Variants in ESCO1 observed in about 807,000 individuals in gnomAD.
ESCO1 encodes establishment of sister chromatid cohesion N-acetyltransferase 1, also known as N-acetyltransferase ESCO1.
A neutral mutation model predicts 83.5 loss-of-function variants in ESCO1; 33 were observed. The ratio of observed to expected loss-of-function variants is 0.40; its 90% CI spans 0.30 to 0.53. The LOEUF (loss-of-function observed/expected upper bound fraction) is 0.53, where lower values mean the gene tolerates loss of function less well. Ranked by LOEUF, ESCO1 falls within the 20% of genes least tolerant of loss-of-function variation. The pLI is 0.63. For missense variants in ESCO1, 855 were observed against 968.0 expected (o/e 0.88, Z 1.55); for synonymous variants, 332 against 324.3 (o/e 1.02, Z -0.25).
At chr18:21,565,543 C>G (rs1598466170) in intron 6 of ESCO1, among the ~76,000 whole-genome samples, 1 of 152,276 alleles carries the variant, frequency 6.6e-6, no homozygotes, top group Non-Finnish European at 1.5e-5. Context: ...TTTGTCTTTT[C>G]TGGATAGAAA....
chr18:21,532,216 C>T (rs1291754881), intron 11 of ESCO1, among the ~76,000 whole-genome samples: 1 of 152,076 alleles, frequency 6.6e-6, no homozygotes, highest in Admixed American at 6.5e-5. Context: ...TTATTTTGGC[C>T]TAACATCATA....
rs376975931 is a variant in ESCO1 at position 21,553,241 on chromosome 18, G to A, written c.1953+7618C>T. On this transcript the variant is annotated intron_variant, in intron 8 of 11. Transcript: ENST00000269214. ...GGAGGTCAAGGATAGAGTGAGCAGT[G>A]ATCACACCACTGCACTCCAGCCTGA... is the stretch of plus-strand genomic sequence containing the variant. Among the ~76,000 whole-genome samples, 6 of 152,228 alleles carry A rather than the reference G, an allele frequency of 3.9e-5. No homozygotes were observed. In the East Asian group the frequency reaches 9.7e-4, roughly 24 times the overall value.
intron 1 of ESCO1, among the ~76,000 whole-genome samples, chr18:21,596,271 A>G (rs547889709): frequency 5.4e-4 from 82 of 152,022 alleles, no homozygotes; most frequent in African/African-American, 1.8e-3. Context: ...TTCCTAATAT[A>G]AAGCTACTTG....
intron 1 of ESCO1, among the ~76,000 whole-genome samples, chr18:21,596,512 T>C (rs1256792269): frequency 6.6e-6 from 1 of 152,028 alleles, no homozygotes; most frequent in African/African-American, 2.4e-5. Context: ...TATAATAATA[T>C]TACAGGGAAA....
chr18:21,566,119 AG>A, intron 6 of ESCO1, 26 bp downstream of exon 6: 1 of 1,599,414 alleles, frequency 6.3e-7, no homozygotes, highest in Non-Finnish European at 8.5e-7. Flanking sequence ...AAAATCCTTA[AG>A]CTCTAAAATT....
intron 1 of ESCO1, among the ~76,000 whole-genome samples, chr18:21,586,789 C>G (rs950503341): frequency 3.9e-5 from 6 of 152,156 alleles, no homozygotes; most frequent in African/African-American, 1.4e-4. Context: ...AAACCTCCTC[C>G]TTTCCACTGT....
chr18:21,574,328 T>C lies in ESCO1; in HGVS notation c.516A>G (p.Gln172=), dbSNP rs2038387887. ...STQSKSNKTS[Q]KHVKRKVLEV... is the part of the protein sequence containing the mutation. ...CCAGTACTTTTCTCTTCACATGTTT[T>C]TGACTTGTTTTATTAGATTTACTCT... The change falls in exon 4 of 12, where the codon CAA becomes CAG. Residue 172 remains glutamine, a synonymous_variant. Transcript: ENST00000269214. 5 of 1,613,748 alleles carry C rather than the reference T, an allele frequency of 3.1e-6. No homozygotes were observed. The highest frequency in any genetic ancestry group is 1.3e-5 in the African/African-American group (1 of 74,884).
intron 10 of ESCO1, among the ~76,000 whole-genome samples, chr18:21,535,378 C>A (rs1307033501): frequency 1.4e-5 from 2 of 138,044 alleles, no homozygotes; most frequent in Admixed American, 1.4e-4. Context: ...CCGCGCCTGG[C>A]TATTTTTTTT....
At chr18:21,544,048 C>T (rs573437009) in intron 8 of ESCO1, among the ~76,000 whole-genome samples, 1 of 152,158 alleles carries the variant, frequency 6.6e-6, no homozygotes, top group African/African-American at 2.4e-5. Context: ...CTGAGGAAGG[C>T]GGATCACAAG....
chr18:21,598,657 T>C (rs2038798298), intron 1 of ESCO1, among the ~76,000 whole-genome samples: 1 of 151,358 alleles, frequency 6.6e-6, no homozygotes, highest in Non-Finnish European at 1.5e-5. Context: ...AGCCGAGATC[T>C]CGCCACTGCC....
intron 1 of ESCO1, among the ~76,000 whole-genome samples, chr18:21,599,622 G>A (rs769644067): frequency 6.6e-6 from 1 of 152,112 alleles, no homozygotes; most frequent in Admixed American, 6.6e-5. Context: ...TGCGATTCCT[G>A]TTTAAAGGAA....
At chr18:21,531,893 CA>C (rs10646843) in intron 11 of ESCO1, among the ~76,000 whole-genome samples, 5 of 82,036 alleles carry the variant, frequency 6.1e-5, no homozygotes, top group African/African-American at 1.5e-4. Flanking sequence ...GACTCCATCT[CA>C]AAAAAAAAAA....
Position 21,560,933 on chromosome 18 carries a change from T to C in ESCO1, c.1879A>G (p.Thr627Ala). 6.2e-7 allele frequency: 1 copy of C among 1,609,012 alleles called. No homozygotes were observed. Among genetic ancestry groups the C allele is most frequent in the Non-Finnish European group, 8.5e-7 (1 of 1,178,274 alleles). Residue 627 changes from threonine to alanine, a missense_variant, in exon 8 of 12, where the codon ACA (threonine) becomes GCA (alanine). By Grantham distance (58) the Thr-to-Ala change is moderately conservative. Transcript: ENST00000269214. ...VSCNVCGMLY[T>A]ASNPEDETQH... ...GTTTCATCTTCTGGATTTGAAGCTGTATACAGCATTCCACAAACATTACAA... is the reference window on the plus strand; with the variant it reads ...GTTTCATCTTCTGGATTTGAAGCTGCATACAGCATTCCACAAACATTACAA...
At position 21,600,670 on chromosome 18, in the gene ESCO1, C is replaced by G. The variant is rs2038832718; in HGVS notation, c.-872G>C. On this transcript the variant is annotated 5_prime_UTR_variant, in exon 1 of 12. An upstream open reading frame in the 5' UTR loses its in-frame stop. Transcript: ENST00000269214. Reference sequence around the variant, plus strand: ...TCAGACTAGCGCCAGCGGATCGCCTCACATCCGGGTATCAGGAGACACTCA... The same window carrying G: ...TCAGACTAGCGCCAGCGGATCGCCTGACATCCGGGTATCAGGAGACACTCA... 6.6e-6 allele frequency: 1 copy of G among 152,254 alleles called. No individual in the cohort carries two copies. Among genetic ancestry groups the G allele is most frequent in the Non-Finnish European group, 1.5e-5 (1 of 68,054 alleles). The allele number at this position is 152,254 out of a possible 1,614,324, so 9.4% of individuals were successfully genotyped here. A position where few individuals can be genotyped will look rare whatever the true frequency, so the allele number is the denominator to read the frequency against.
intron 4 of ESCO1, among the ~76,000 whole-genome samples, chr18:21,570,803 C>T (rs1231850748): frequency 6.6e-6 from 1 of 151,958 alleles, no homozygotes; most frequent in Non-Finnish European, 1.5e-5. Flanking sequence ...GGGTGAAACC[C>T]CGTCTCTACT....
rs193273423 is a variant in ESCO1, at chr18:21,577,497, A to G, written c.-693-1720T>C. 1.6e-4 allele frequency among the ~76,000 whole-genome samples: 24 copies of G among 151,538 alleles called. 1 individual carries two copies. In the East Asian group the frequency reaches 4.7e-3, roughly 29 times the overall value. On this transcript the variant is annotated intron_variant, in intron 2 of 11. Transcript: ENST00000269214. ...AACATGGTGAAACCCCGTCTCTACTAAAAATACAAAAAATTAGCTGGGTGT... is the reference window on the plus strand; with the variant it reads ...AACATGGTGAAACCCCGTCTCTACTGAAAATACAAAAAATTAGCTGGGTGT...
At chr18:21,550,012 A>C (rs1376081614) in intron 8 of ESCO1, among the ~76,000 whole-genome samples, 35 of 152,136 alleles carry the variant, frequency 2.3e-4, no homozygotes. Context: ...CTACTGTAGT[A>C]AGAAAACACC....
At chr18:21,564,843 T>C (rs936678617) in intron 6 of ESCO1, among the ~76,000 whole-genome samples, 4 of 152,030 alleles carry the variant, frequency 2.6e-5, no homozygotes, top group African/African-American at 9.6e-5. Context: ...GCAGATTGCC[T>C]GAGCTCAGGA....
intron 8 of ESCO1, among the ~76,000 whole-genome samples, chr18:21,555,752 T>A (rs545499875): frequency 6.6e-6 from 1 of 152,072 alleles, no homozygotes; most frequent in South Asian, 2.1e-4. Context: ...CAGTAAGCCA[T>A]GATTGTGCCA....
Sources: allele counts gnomAD v4.1 joint callset (sites outside exome capture counted in the v4.1 genomes callset), GRCh38; gene constraint gnomAD v4.1.1; transcripts MANE v1.5; gene names NCBI Gene and HGNC (gene_info 2026-07-23, HGNC 2026-07-21).